The following GABRG2 variants were observed in gnomAD, a reference collection of about 807,000 sequenced individuals.
GABRG2 encodes the protein gamma-aminobutyric acid receptor subunit gamma-2.
Under a neutral mutation model 56.4 loss-of-function variants are expected in GABRG2, and 16 were observed. That is an observed-to-expected ratio of 0.28 (90% CI 0.19 to 0.43). GABRG2 has a LOEUF of 0.43. Ranked by LOEUF, GABRG2 falls within the 20% of genes least tolerant of loss-of-function variation. GABRG2 has a pLI of 1.00. For missense variants in GABRG2, 327 were observed against 582.7 expected (o/e 0.56, Z 4.52); for synonymous variants, 208 against 205.5 (o/e 1.01, Z -0.10).
At chr5:162,078,682 G>C (rs1759397699) in intron 1 of GABRG2, among the ~76,000 whole-genome samples, 1 of 151,342 alleles carries the variant, frequency 6.6e-6, no homozygotes, top group Non-Finnish European at 1.5e-5. Flanking sequence ...TGGGATTACA[G>C]GTATGAGCCA....
rs1362801047 is a variant in GABRG2 at position 162,154,881 on chromosome 5, A to T, written c.*1513A>T. ...AGGTTGAGCCAATGACTGTGGCCTC[A>T]TTAGATTACATTGTAGTTAAACAAA... On this transcript the variant is annotated 3_prime_UTR_variant, in exon 10 of 10. Transcript: ENST00000639213. The T allele has an allele frequency of 6.6e-6, 1 of 152,158 alleles. No individual in the cohort carries two copies. 9.4% of individuals were successfully genotyped at this position (152,158 alleles called of 1,614,324 possible).
chr5:162,142,908 A>G (rs1376501756), intron 7 of GABRG2: 1 of 152,098 alleles, frequency 6.6e-6, no homozygotes, highest in African/African-American at 2.4e-5. Flanking sequence ...ATAAAAAAAA[A>G]AAAAAGATTT....
At chr5:162,091,680 C>G (rs1231284127) in intron 1 of GABRG2, among the ~76,000 whole-genome samples, 1 of 152,010 alleles carries the variant, frequency 6.6e-6, no homozygotes, top group Non-Finnish European at 1.5e-5. Flanking sequence ...ATTGTTGGAG[C>G]AATTCTGGAA....
At chr5:162,115,226 C>T (rs1762534056) in intron 6 of GABRG2, among the ~76,000 whole-genome samples, 1 of 152,034 alleles carries the variant, frequency 6.6e-6, no homozygotes, top group South Asian at 2.1e-4. Context: ...CCTGCAATTT[C>T]TTCATCTCAA....
In GABRG2 at chr5:162,153,246, G is replaced by T; in HGVS notation, c.1306G>T (p.Ala436Ser). 2 of 1,614,102 alleles carry T rather than the reference G, an allele frequency of 1.2e-6. No individual in the cohort carries two copies. Among genetic ancestry groups the T allele is most frequent in the Non-Finnish European group, 1.7e-6 (2 of 1,179,990 alleles). ...FCCFEDCRTG[A>S]WRHGRIHIRI... ...CTGTTTTGAAGATTGTCGAACAGGA[G>T]CTTGGAGACATGGGAGGATACATAT... is the stretch of plus-strand genomic sequence containing the variant. The change falls in exon 10 of 10, where the codon GCT (alanine) becomes TCT (serine). Residue 436 changes from alanine to serine, a missense_variant. By Grantham distance (99) the Ala-to-Ser change is moderately conservative. Around this residue, in one of 4 missense-constraint regions of GABRG2, gnomAD observed 108 missense variants for 144.2 expected, o/e 0.75. Coordinates refer to ENST00000639213, the MANE Select transcript of GABRG2 (RefSeq NM_198904.4).
rs377299722 is a variant in GABRG2 at position 162,135,133 on chromosome 5, A to G, written c.770-7031A>G. ...ACCCATTTGTTCTCTTCTTTCACTAATTGGATCTGGCTGAGAATCTCAAAT... is the reference window on the plus strand; with the variant it reads ...ACCCATTTGTTCTCTTCTTTCACTAGTTGGATCTGGCTGAGAATCTCAAAT... On this transcript the variant is annotated intron_variant, in intron 6 of 9. Coordinates refer to ENST00000639213, the MANE Select transcript of GABRG2 (RefSeq NM_198904.4). 3.2e-3 allele frequency among the ~76,000 whole-genome samples: 491 copies of G among 152,238 alleles called. 6 individuals carry two copies. The highest frequency in any genetic ancestry group is 0.011 in the African/African-American group (461 of 41,558).
chr5:162,142,021 C>G (rs753166210), intron 6 of GABRG2, 143 bp from the exon 7 acceptor site: 10 of 1,049,674 alleles, frequency 9.5e-6, no homozygotes, highest in Non-Finnish European at 1.5e-5. Context: ...TTAACCCAAG[C>G]GGGCAAAAAT....
At chr5:162,131,693 A>G (rs1357638152) in intron 6 of GABRG2, among the ~76,000 whole-genome samples, 4 of 152,062 alleles carry the variant, frequency 2.6e-5, no homozygotes, top group Non-Finnish European at 5.9e-5. Flanking sequence ...GACTTTTAAC[A>G]TGCATACTAT....
chr5:162,104,057 A>C, intron 6 of GABRG2, 31 bp downstream of exon 6: 2 of 1,612,546 alleles, frequency 1.2e-6, no homozygotes, highest in Non-Finnish European at 1.7e-6. Flanking sequence ...ATTTCAAGTG[A>C]CCCTTCCAGA....
rs1192308685 is a variant in GABRG2, at chr5:162,154,539, T to C, written c.*1171T>C. The C allele has an allele frequency of 6.6e-6, 1 of 152,156 alleles. No individual in the cohort carries two copies. The highest frequency in any genetic ancestry group is 1.5e-5 in the Non-Finnish European group (1 of 68,014). The allele number at this position is 152,156 out of a possible 1,614,324, so 9.4% of individuals were successfully genotyped here. A position where few individuals can be genotyped will look rare whatever the true frequency, so the allele number is the denominator to read the frequency against. ...GATTTTGTAAAAATAACCAGTAGGA[T>C]CCAAAGAACTTTAGCTATTTATGTT... On this transcript the variant is annotated 3_prime_UTR_variant, in exon 10 of 10. Coordinates refer to ENST00000639213, the MANE Select transcript of GABRG2 (RefSeq NM_198904.4).
At chr5:162,115,215 A>G (rs1762533150) in intron 6 of GABRG2, among the ~76,000 whole-genome samples, 1 of 152,056 alleles carries the variant, frequency 6.6e-6, no homozygotes, top group African/African-American at 2.4e-5. Flanking sequence ...TTCTCTTTGA[A>G]CCTGCAATTT....
Position 162,095,527 on chromosome 5 carries a change from G to T in GABRG2, c.292G>T (p.Val98Leu). 6.2e-7 allele frequency: 1 copy of T among 1,610,006 alleles called. No homozygotes were observed. Among genetic ancestry groups the T allele is most frequent in the Non-Finnish European group, 8.5e-7 (1 of 1,176,996 alleles). Reference protein sequence around the residue: ...KPTLIHTDMYVNSIGPVNAIN... With the variant: ...KPTLIHTDMYLNSIGPVNAIN... ...AACGTTAATTCACACAGACATGTAT[G>T]TGAATAGCATTGGTCCAGTGAACGC... The change falls in exon 3 of 10, where the codon GTG (valine) becomes TTG (leucine). Residue 98 changes from valine to leucine, a missense_variant. Coordinates refer to ENST00000639213, the MANE Select transcript of GABRG2 (RefSeq NM_198904.4).
chr5:162,102,550 A>C (rs902163018), intron 5 of GABRG2: 8 of 453,650 alleles, frequency 1.8e-5, no homozygotes, highest in Non-Finnish European at 3.5e-5. Context: ...TTTGTTTTGG[A>C]CAGGGTCTCG....
chr5:162,073,845 C>A (rs548017331), intron 1 of GABRG2, among the ~76,000 whole-genome samples: 4 of 152,016 alleles, frequency 2.6e-5, no homozygotes, highest in African/African-American at 9.6e-5. Context: ...ATAATATTTT[C>A]TTCTGACAAC....
chr5:162,125,684 G>A (rs1398653291), intron 6 of GABRG2, among the ~76,000 whole-genome samples: 2 of 151,776 alleles, frequency 1.3e-5, no homozygotes, highest in Non-Finnish European at 2.9e-5. Context: ...TTTAATCAAA[G>A]TGGTGGTTTG....
chr5:162,077,073 CTGTGTGTG>C (rs55938019), intron 1 of GABRG2, among the ~76,000 whole-genome samples: 13,798 of 146,590 alleles, frequency 0.094, 731 homozygotes, highest in Non-Finnish European at 0.12. Flanking sequence ...ACAACTACCC[CTGTGTGTG>C]TGTGTGTGTG....
chr5:162,090,337 A>ACATACT (rs1160549302), intron 1 of GABRG2, among the ~76,000 whole-genome samples: 1 of 151,940 alleles, frequency 6.6e-6, no homozygotes, highest in Non-Finnish European at 1.5e-5. Flanking sequence ...ATACACATAC[A>ACATACT]CATACACATA....
chr5:162,097,035 C>T (rs1340842205), intron 3 of GABRG2, among the ~76,000 whole-genome samples: 2 of 152,012 alleles, frequency 1.3e-5, no homozygotes, highest in Non-Finnish European at 2.9e-5. Context: ...CACGGCCTAC[C>T]CAGTTAGATT....
chr5:162,118,204 GGTGTGTGTGTGTGTGT>G (rs3079259), intron 6 of GABRG2, among the ~76,000 whole-genome samples: 1 of 146,082 alleles, frequency 6.8e-6, no homozygotes, highest in Non-Finnish European at 1.5e-5. Flanking sequence ...AGGTTCTGAT[GGTGTGTGTGTGTGTGT>G]GTGTGTGTGT....
Sources: gnomAD v4.1 joint callset for allele counts (sites outside exome capture counted in the v4.1 genomes callset) on GRCh38, gnomAD v4.1.1 for gene constraint, gnomAD v4.1.1 regional missense constraint, MANE v1.5 for transcripts, NCBI Gene and HGNC (gene_info 2026-07-23, HGNC 2026-07-21) for gene names.